Variants in CAPN14 observed in about 807,000 individuals in gnomAD.
The protein encoded by CAPN14 is calpain 14, also known as calpain-14.
CAPN14 carries 94 observed loss-of-function variants against 101.3 expected under a neutral mutation model. The observed-to-expected ratio is 0.93, with a 90% CI of 0.79 to 1.10. The LOEUF (loss-of-function observed/expected upper bound fraction) is 1.10. Ranked by LOEUF, CAPN14 falls within the 50% of genes least tolerant of loss-of-function variation. CAPN14 has a pLI of 0.00. For missense variants in CAPN14, 837 were observed against 828.4 expected (o/e 1.01, Z -0.13); for synonymous variants, 338 against 317.9 (o/e 1.06, Z -0.67).
chr2:31,199,640 G>A (rs1681650167), intron 6 of CAPN14, 108 bp from the exon 7 acceptor site: 2 of 830,512 alleles, frequency 2.4e-6, no homozygotes, highest in African/African-American at 1.7e-5. Context: ...GAGAAGTGTG[G>A]GAGATAATCA....
rs1484907170 is a variant in CAPN14 at position 31,177,836 on chromosome 2, A to C, written c.1780-15T>G. 3.2e-6 allele frequency: 5 copies of C among 1,548,966 alleles called. No homozygotes were observed. The highest frequency in any genetic ancestry group is 8.7e-7 in the Non-Finnish European group (1 of 1,144,360). On this transcript the variant is annotated splice_polypyrimidine_tract_variant and intron_variant, in intron 18 of 21. Transcript: ENST00000403897. ...TGGAAAACCTTCTGCAAAGAACCAA[A>C]TAAGAGGTTCAGGAAGCCAGGCATT...
intron 11 of CAPN14, among the ~76,000 whole-genome samples, chr2:31,191,714 A>G (rs1681188539): frequency 6.6e-6 from 1 of 152,254 alleles, no homozygotes. Context: ...ATCCTCTTTT[A>G]TTCTACCCTT....
chr2:31,200,175 T>C (rs1681679527), intron 6 of CAPN14, among the ~76,000 whole-genome samples: 1 of 152,126 alleles, frequency 6.6e-6, no homozygotes, highest in Admixed American at 6.5e-5. Flanking sequence ...GGCTAATTTT[T>C]GCATTTTTCA....
chr2:31,185,616 T>C (rs948832044), intron 16 of CAPN14, among the ~76,000 whole-genome samples: 19 of 152,242 alleles, frequency 1.2e-4, no homozygotes, highest in Admixed American at 1.2e-3. Flanking sequence ...TCTTACGTTC[T>C]ACAATTCCTA....
chr2:31,190,018 G>A (rs1001459791), intron 12 of CAPN14, among the ~76,000 whole-genome samples: 4 of 152,096 alleles, frequency 2.6e-5, no homozygotes, highest in African/African-American at 9.7e-5. Context: ...TGGACATTCC[G>A]CATCATCTCA....
chr2:31,204,851 GATCATGGGA>G (rs1407360207), intron 2 of CAPN14, among the ~76,000 whole-genome samples: 1 of 152,210 alleles, frequency 6.6e-6, no homozygotes. Context: ...CCAAGGAGGG[GATCATGGGA>G]ATCACGGTCC....
At chr2:31,226,178 C>T (rs970301249) in intron 2 of CAPN14, among the ~76,000 whole-genome samples, 4 of 152,060 alleles carry the variant, frequency 2.6e-5, no homozygotes, top group South Asian at 2.1e-4. Context: ...GTAAAGAATG[C>T]GGAAATAATT....
Position 31,205,963 on chromosome 2 carries a change from C to T in CAPN14, c.-52-464G>A, listed in dbSNP as rs542295528. Among the ~76,000 whole-genome samples, 99 of 152,174 alleles carry T rather than the reference C, an allele frequency of 6.5e-4. 1 individual carries two copies. The highest frequency in any genetic ancestry group is 1.8e-3 in the Admixed American group (28 of 15,278). On this transcript the variant is annotated intron_variant, in intron 1 of 21. Transcript: ENST00000403897. ...TCCCAGCTACAGACACACAGCATTC[C>T]TCCTGCTTCAATGTCCTCCTTATTC... is the stretch of plus-strand genomic sequence containing the variant.
chr2:31,174,821 C>A, intron 21 of CAPN14, 114 bp from the exon 22 acceptor site: 1 of 958,666 alleles, frequency 1.0e-6, no homozygotes, highest in Non-Finnish European at 1.6e-6. Flanking sequence ...GATGGTTTAG[C>A]CAGAGGGAGC....
intron 2 of CAPN14, among the ~76,000 whole-genome samples, chr2:31,224,798 T>C (rs1682971289): frequency 6.6e-6 from 1 of 151,920 alleles, no homozygotes; most frequent in African/African-American, 2.4e-5. Context: ...CTATAAAATA[T>C]CTGAGAATAA....
Position 31,207,883 on chromosome 2 carries a change from T to A in CAPN14, c.-52-2384A>T, listed in dbSNP as rs116098635. Among the ~76,000 whole-genome samples the A allele has an allele frequency of 5.4e-3, 819 of 152,360 alleles. 3 individuals are homozygous for A. The highest frequency in any genetic ancestry group is 0.019 in the African/African-American group (771 of 41,592). On this transcript the variant is annotated intron_variant, in intron 1 of 21. Coordinates refer to ENST00000403897, the MANE Select transcript of CAPN14 (RefSeq NM_001145122.2). ...TAGGTAGCTCATCAAGCACTGCCAG[T>A]GACCAGTTGGTGGAGTGGCCCCACT...
intron 1 of CAPN14, among the ~76,000 whole-genome samples, chr2:31,227,144 G>C (rs1683046187): frequency 6.6e-6 from 1 of 152,182 alleles, no homozygotes; most frequent in Non-Finnish European, 1.5e-5. Flanking sequence ...TGGAAGTTGA[G>C]GTTCTTAGAA....
intron 2 of CAPN14, 93 bp from the exon 3 acceptor site, chr2:31,203,232 C>T (rs1470335): frequency 0.037 from 33,423 of 903,822 alleles, 827 homozygotes; most frequent in African/African-American, 0.086. Flanking sequence ...CAAAACTGTA[C>T]TTATGGGGAC....
upstream of CAPN14, among the ~76,000 whole-genome samples, chr2:31,219,539 C>T (rs1474067166): frequency 6.6e-6 from 1 of 152,280 alleles, no homozygotes; most frequent in East Asian, 1.9e-4. Flanking sequence ...CCCGTGGAAA[C>T]AAGATTTTAG....
intron 21 of CAPN14, among the ~76,000 whole-genome samples, chr2:31,176,176 A>G (rs1469985842): frequency 1.3e-5 from 2 of 152,196 alleles, no homozygotes; most frequent in Non-Finnish European, 2.9e-5. Context: ...TGGGAAGAAC[A>G]AACCTAGGCA....
At chr2:31,229,036 G>A (rs975859046) in intron 1 of CAPN14, among the ~76,000 whole-genome samples, 4 of 152,182 alleles carry the variant, frequency 2.6e-5, no homozygotes, top group Admixed American at 1.3e-4. Context: ...AGTTCCAGGG[G>A]CATTACATGC....
chr2:31,181,394 CTTTT>C (rs759787420), intron 16 of CAPN14, among the ~76,000 whole-genome samples: 6,766 of 121,136 alleles, frequency 0.056, 305 homozygotes, highest in African/African-American at 0.13. Flanking sequence ...TTTTTTCTTT[CTTTT>C]TTTCTTTCTT....
chr2:31,200,112 T>A (rs1238841406), intron 6 of CAPN14, among the ~76,000 whole-genome samples: 1 of 152,146 alleles, frequency 6.6e-6, no homozygotes, highest in Non-Finnish European at 1.5e-5. Context: ...TTAGTGATTC[T>A]CCTGCCTCAG....
intron 9 of CAPN14, 85 bp downstream of exon 9, chr2:31,194,324 C>T: frequency 1.0e-6 from 1 of 974,446 alleles, no homozygotes; most frequent in Non-Finnish European, 1.6e-6. Context: ...AAGTTCCTGG[C>T]ACCCATAAGG....
Sources: gnomAD v4.1 joint callset for allele counts (sites outside exome capture counted in the v4.1 genomes callset) on GRCh38, gnomAD v4.1.1 for gene constraint, MANE v1.5 for transcripts, NCBI Gene and HGNC (gene_info 2026-07-23, HGNC 2026-07-21) for gene names.